Variants in P3H2 observed in about 807,000 individuals in gnomAD.
P3H2 encodes leprecan-like 1.
P3H2 carries 80 observed loss-of-function variants against 87.0 expected under a neutral mutation model. The observed-to-expected ratio is 0.92, with a 90% CI of 0.77 to 1.11. P3H2 has a LOEUF of 1.11. P3H2 is among the 50% of genes least tolerant of loss of function. The probability of loss-of-function intolerance (pLI) is 0.00; values close to 1 mark genes in which losing one functional copy is unlikely to be tolerated. For missense variants in P3H2, 1,001 were observed against 923.9 expected (o/e 1.08, Z -1.08); for synonymous variants, 367 against 359.3 (o/e 1.02, Z -0.24).
At chr3:190,037,475 GA>G (rs1191380702) in intron 1 of P3H2, among the ~76,000 whole-genome samples, 1 of 152,102 alleles carries the variant, frequency 6.6e-6, no homozygotes, top group African/African-American at 2.4e-5. Flanking sequence ...GTCTGCAGAA[GA>G]AAATAAGATA....
At position 189,991,115 on chromosome 3, in the gene P3H2, C is replaced by G. The variant is rs557452969; in HGVS notation, c.824-2077G>C. On this transcript the variant is annotated intron_variant, in intron 3 of 14. Transcript: ENST00000319332. ...AATCTGCCATTCCCAAATACAAGAT[C>G]AAGTGTAGAGAAATAGCAATTAAAA... Among the ~76,000 whole-genome samples the G allele has an allele frequency of 1.1e-4, 16 of 152,262 alleles. No individual in the cohort carries two copies. The South Asian group carries it at 3.3e-3, about 32-fold the overall frequency.
At chr3:190,063,355 A>T (rs1726393002) in intron 1 of P3H2, among the ~76,000 whole-genome samples, 1 of 152,188 alleles carries the variant, frequency 6.6e-6, no homozygotes, top group Non-Finnish European at 1.5e-5. Context: ...AGGCAAAAGC[A>T]AATGTTCTTG....
chr3:190,020,423 T>G (rs1451378861), intron 1 of P3H2, among the ~76,000 whole-genome samples: 8 of 135,206 alleles, frequency 5.9e-5, no homozygotes, highest in African/African-American at 2.0e-4. Context: ...GTTTTTCTTC[T>G]TTTTAAAAAA....
At chr3:190,076,154 G>GAAA (rs5855302) in intron 1 of P3H2, among the ~76,000 whole-genome samples, 1 of 142,032 alleles carries the variant, frequency 7.0e-6, no homozygotes, top group South Asian at 2.2e-4. Flanking sequence ...ATTAAGATAT[G>GAAA]AAAAAAAAAA....
intron 1 of P3H2, among the ~76,000 whole-genome samples, chr3:190,048,864 T>A (rs539884997): frequency 6.6e-6 from 1 of 152,292 alleles, no homozygotes; most frequent in South Asian, 2.1e-4. Flanking sequence ...CTCCTTGCTG[T>A]CTCCTGTCTA....
At chr3:190,019,167 A>G (rs979013011) in intron 1 of P3H2, among the ~76,000 whole-genome samples, 13 of 152,312 alleles carry the variant, frequency 8.5e-5, no homozygotes, top group Non-Finnish European at 1.5e-4. Context: ...CTAGTTAGAC[A>G]AACAGAAGCG....
At chr3:189,982,496 G>A (rs552477854) in intron 8 of P3H2, among the ~76,000 whole-genome samples, 10 of 152,104 alleles carry the variant, frequency 6.6e-5, no homozygotes, top group African/African-American at 1.7e-4. Flanking sequence ...ATAATGTTCC[G>A]CTCGCTTCGT....
At chr3:190,049,155 A>G (rs1027310752) in intron 1 of P3H2, among the ~76,000 whole-genome samples, 7 of 152,242 alleles carry the variant, frequency 4.6e-5, no homozygotes, top group Non-Finnish European at 1.0e-4. Context: ...ATGTTCATAA[A>G]TCTTGCACAA....
chr3:189,968,943 T>G (rs1410554946), intron 13 of P3H2: 12 of 164,952 alleles, frequency 7.3e-5, no homozygotes, highest in Admixed American at 1.2e-4. Flanking sequence ...GATGGGGTTG[T>G]TTGTTTGTTT....
At position 189,978,488 on chromosome 3, in the gene P3H2, G is replaced by A. The variant is rs115375662; in HGVS notation, c.1325-3803C>T. On this transcript the variant is annotated intron_variant, in intron 8 of 14. Transcript: ENST00000319332. ...TGACAATTCTCCTAGCATTCCACAA[G>A]TAACATGCAAAGATCAAGTGAAGGA... is the stretch of plus-strand genomic sequence containing the variant. Among the ~76,000 whole-genome samples the A allele has an allele frequency of 4.5e-3, 680 of 152,280 alleles. 6 individuals are homozygous for A. Among genetic ancestry groups the A allele is most frequent in the South Asian group, 0.018 (87 of 4,824 alleles).
In P3H2 at chr3:190,068,339, C is replaced by G. The variant is rs202028736; in HGVS notation, c.480+51913G>C. ...GCCTGGGAAATCTACCTTGTCCCAT[C>G]CTCTGAAATATTACTAGATTCCAGA... On this transcript the variant is annotated intron_variant, in intron 1 of 14. Transcript: ENST00000319332. 2.0e-5 allele frequency among the ~76,000 whole-genome samples: 3 copies of G among 152,268 alleles called. No individual in the cohort carries two copies. The East Asian group carries it at 5.8e-4, about 29-fold the overall frequency.
At chr3:190,017,884 CAA>C (rs1049972719) in intron 1 of P3H2, among the ~76,000 whole-genome samples, 1 of 152,182 alleles carries the variant, frequency 6.6e-6, no homozygotes, top group African/African-American at 2.4e-5. Flanking sequence ...GCTTCAATGG[CAA>C]AGAGAACTTG....
At chr3:190,044,813 A>G (rs1330739081) in intron 1 of P3H2, among the ~76,000 whole-genome samples, 1 of 152,176 alleles carries the variant, frequency 6.6e-6, no homozygotes, top group Non-Finnish European at 1.5e-5. Flanking sequence ...TATTGTCACT[A>G]TGATTTAGCG....
intron 14 of P3H2, among the ~76,000 whole-genome samples, chr3:189,962,161 CTTT>C (rs770628547): frequency 3.2e-4 from 28 of 87,614 alleles, no homozygotes; most frequent in African/African-American, 9.4e-4. Flanking sequence ...TCTTCTTCTT[CTTT>C]TTTTTTTTTT....
Position 189,957,872 on chromosome 3 carries a change from C to T in P3H2, c.*40G>A, listed in dbSNP as rs1260967898. 18 of 1,373,136 alleles carry T rather than the reference C, an allele frequency of 1.3e-5. No individual in the cohort carries two copies. Among genetic ancestry groups the T allele is most frequent in the African/African-American group, 4.3e-5 (3 of 69,976 alleles). The allele number at this position is 1,373,136 out of a possible 1,614,324, so 85.1% of individuals were successfully genotyped here. A position where few individuals can be genotyped will look rare whatever the true frequency, so the allele number is the denominator to read the frequency against. ...AATAAAAAGGTTCTCATAAGATTAA[C>T]AATTTAAATAAATATTTGATAGAAC... is the stretch of plus-strand genomic sequence containing the variant. On this transcript the variant is annotated 3_prime_UTR_variant, in exon 15 of 15. Coordinates refer to ENST00000319332, the MANE Select transcript of P3H2 (RefSeq NM_018192.4).
chr3:190,004,617 T>C (rs710571), intron 1 of P3H2, among the ~76,000 whole-genome samples: 118,013 of 151,806 alleles, frequency 0.78, 46,078 homozygotes, highest in East Asian at 0.93. Context: ...CTCCTGACCT[T>C]GTGATCCGCC....
At chr3:190,078,152 T>A (rs978680921) in intron 1 of P3H2, among the ~76,000 whole-genome samples, 10 of 152,168 alleles carry the variant, frequency 6.6e-5, no homozygotes, top group African/African-American at 2.4e-4. Flanking sequence ...GTAGATAAGT[T>A]GAGGGAGTGA....
At chr3:190,066,158 T>TATATATATATATATATACAC (rs1256956930) in intron 1 of P3H2, among the ~76,000 whole-genome samples, 12 of 134,600 alleles carry the variant, frequency 8.9e-5, no homozygotes, top group African/African-American at 6.2e-5. Context: ...TATATATATA[T>TATATATATATATATATACAC]ACACACACAC....
At chr3:189,966,062 AAG>A (rs780144539) in intron 13 of P3H2, among the ~76,000 whole-genome samples, 91 of 128,554 alleles carry the variant, frequency 7.1e-4, no homozygotes, top group African/African-American at 3.1e-3. Context: ...GAAAGAAAGA[AAG>A]AGAAAGAAGG....
Sources: gnomAD v4.1 joint callset for allele counts (sites outside exome capture counted in the v4.1 genomes callset) on GRCh38, gnomAD v4.1.1 for gene constraint, MANE v1.5 for transcripts, NCBI Gene and HGNC (gene_info 2026-07-23, HGNC 2026-07-21) for gene names.